The following TTN variants were observed in gnomAD, a reference collection of about 807,000 sequenced individuals.
TTN encodes connectin.
A neutral mutation model predicts 3,223.0 loss-of-function variants in TTN; 1,525 were observed. That is an observed-to-expected ratio of 0.47 (90% CI 0.45 to 0.49). The LOEUF is 0.49. Ranked by LOEUF, TTN falls within the 20% of genes least tolerant of loss-of-function variation. The pLI is 0.00. For synonymous variants in TTN, 14,094 were observed against 15,161.0 expected, an observed-to-expected ratio of 0.93 and a Z score of 5.17; for missense variants, 40,786 against 43,424.0, an observed-to-expected ratio of 0.94 and a Z score of 5.40.
intron 165 of TTN, 150 bp downstream of exon 165, chr2:178,665,227 T>G (rs1321545599): frequency 1.8e-5 from 15 of 814,322 alleles, no homozygotes; most frequent in Non-Finnish European, 2.7e-5. Flanking sequence ...TAATTTCTTT[T>G]TAGAGGAAAC....
rs755844994 is a variant in TTN at position 178,566,785 on chromosome 2, T to G, written c.79347A>C (p.Thr26449=). The G allele has an allele frequency of 1.2e-6, 2 of 1,613,288 alleles. No homozygotes were observed. The highest frequency in any genetic ancestry group is 2.7e-5 in the African/African-American group (2 of 74,908). The part of the protein sequence containing the change: ...RRITDLRLRV[T]GLTEDHEYEF... ...CATACTCATGATCTTCTGTTAATCC[T>G]GTCACTCTTAGACGCAAATCTGTAA... The change falls in exon 326 of 363, where the codon ACA becomes ACC. Residue 26449 remains threonine, a synonymous_variant. Transcript: ENST00000589042.
chr2:178,774,548 C>A, intron 29 of TTN, 75 bp from the exon 30 acceptor site: 2 of 1,421,750 alleles, frequency 1.4e-6, no homozygotes, highest in South Asian at 1.2e-5. Context: ...GAGATGATGT[C>A]TTGTATGTCT....
rs753855291 is a variant in TTN at position 178,632,827 on chromosome 2, C to T, written c.43214-35G>A. 4.3e-6 allele frequency: 7 copies of T among 1,612,506 alleles called. No individual in the cohort carries two copies. The Admixed American group carries it at 5.0e-5, about 12-fold the overall frequency. The stretch of plus-strand genomic sequence containing the variant: ...GTGGACAGTGGATGAAGTCAGAATA[C>T]GTTTCCATTGATGACCCTTGATCAA... On this transcript the variant is annotated intron_variant, in intron 234 of 362. Coordinates refer to ENST00000589042, the MANE Select transcript of TTN (RefSeq NM_001267550.2).
chr2:178,684,586 T>TA (rs1285952710), intron 131 of TTN, 80 bp downstream of exon 131: 1 of 1,469,290 alleles, frequency 6.8e-7, no homozygotes, highest in Non-Finnish European at 9.3e-7. Context: ...ATATAAACAG[T>TA]ATGACCCAAA....
chr2:178,613,916 C>A lies in TTN; in HGVS notation c.49367G>T (p.Arg16456Leu), dbSNP rs768914789. The change falls in exon 263 of 363, where the codon CGC becomes CTC. Residue 16456 changes from arginine to leucine, a missense_variant. Arg to Leu is a moderately radical substitution (Grantham distance 102, BLOSUM62 -2). Coordinates refer to ENST00000589042, the MANE Select transcript of TTN (RefSeq NM_001267550.2). ...TTTAGTGATATCAGAAGGTTCTAGG[C>A]GAGTTGGAGGACCAGGTGGATCTAT... The part of the protein sequence containing the change: ...YQFDPPGPPT[R>L]LEPSDITKDA... The A allele has an allele frequency of 3.1e-6, 5 of 1,607,696 alleles. No individual in the cohort carries two copies. Among genetic ancestry groups the A allele is most frequent in the African/African-American group, 1.3e-5 (1 of 74,562 alleles).
chr2:178,789,954 C>G (rs756619876), intron 12 of TTN, 24 bp downstream of exon 12: 1 of 1,612,090 alleles, frequency 6.2e-7, no homozygotes. Flanking sequence ...ATGAACTTTT[C>G]ACAGCTCAAA....
intron 63 of TTN, 22 bp from the exon 64 acceptor site, chr2:178,729,588 A>T: frequency 1.2e-6 from 2 of 1,612,438 alleles, no homozygotes; most frequent in Middle Eastern, 3.3e-4. Context: ...AAAGGAAGAC[A>T]GTAGCTTACT....
intron 297 of TTN, 27 bp from the exon 298 acceptor site, chr2:178,593,894 A>G: frequency 1.2e-6 from 2 of 1,608,356 alleles, no homozygotes; most frequent in Non-Finnish European, 1.7e-6. Context: ...TCATGGCACA[A>G]AATGTTATTG....
chr2:178,799,716 A>C lies in TTN; in HGVS notation c.685T>G (p.Phe229Val). The change falls in exon 6 of 363, where the codon TTT (phenylalanine) becomes GTT (valine). Residue 229 changes from phenylalanine to valine, a missense_variant. Phe to Val is a conservative substitution (Grantham distance 50). Transcript: ENST00000589042. ...ACTGTTGCAATTGATCTGGCATCAA[A>C]GTGGGCTTCAATCTTCTGTAAAAGA... ...TRIEKKIEAH[F>V]DARSIATVEM... 1 of 1,614,216 alleles carries C rather than the reference A, an allele frequency of 6.2e-7. No homozygotes were observed. Among genetic ancestry groups the C allele is most frequent in the Non-Finnish European group, 8.5e-7 (1 of 1,180,030 alleles).
intron 243 of TTN, 110 bp downstream of exon 243, chr2:178,622,560 A>G: frequency 1.3e-6 from 1 of 755,842 alleles, no homozygotes; most frequent in East Asian, 2.7e-5. Flanking sequence ...TTAAAAGTAA[A>G]GTGGTGACCA....
In TTN at chr2:178,696,051, G is replaced by T; in HGVS notation, c.31021C>A (p.Pro10341Thr). ...EPFEQPYYEEPDEDYEEIKVE... is the reference protein window; with the variant it reads ...EPFEQPYYEETDEDYEEIKVE... ...TTAATCTCTTCATAGTCTTCATCTG[G>T]TTCTTCATAATAAGGTTGTTCAAAT... The change falls in exon 114 of 363, where the codon CCA becomes ACA. Residue 10341 changes from proline to threonine, a missense_variant. Physicochemically the swap from Pro to Thr is conservative, Grantham distance 38. Transcript: ENST00000589042. 6.4e-7 allele frequency: 1 copy of T among 1,550,780 alleles called. No individual in the cohort carries two copies. The highest frequency in any genetic ancestry group is 1.2e-5 in the South Asian group (1 of 83,970).
chr2:178,677,560 G>T (rs1468729256), intron 146 of TTN, 61 bp downstream of exon 146: 4 of 1,490,938 alleles, frequency 2.7e-6, no homozygotes, highest in Non-Finnish European at 3.6e-6. Context: ...TGAACAAAAG[G>T]ATGGGAAAGC....
chr2:178,784,868 T>C (rs2093053587), intron 15 of TTN, among the ~76,000 whole-genome samples: 1 of 152,246 alleles, frequency 6.6e-6, no homozygotes, highest in Non-Finnish European at 1.5e-5. Flanking sequence ...TTGTGGTCTA[T>C]GGTTATTTGT....
chr2:178,530,506 G>A lies in TTN; in HGVS notation c.106109C>T (p.Thr35370Ile). The stretch of plus-strand genomic sequence containing the variant: ...GGCTTGCCCCATAAATTGTAAGTTG[G>A]TTTTAGACGTTCCACCTTCACCAGA... ...EISGEGGTSKTNLQFMGQAFK... is the reference protein window; with the variant it reads ...EISGEGGTSKINLQFMGQAFK... The change falls in exon 358 of 363, where the codon ACC becomes ATC. Residue 35370 changes from threonine (T) to isoleucine (I), a missense_variant. By Grantham distance (89) the Thr-to-Ile change is moderately conservative. Transcript: ENST00000589042. 1 of 1,613,964 alleles carries A rather than the reference G, an allele frequency of 6.2e-7. No individual in the cohort carries two copies. Among genetic ancestry groups the A allele is most frequent in the Non-Finnish European group, 8.5e-7 (1 of 1,179,882 alleles).
chr2:178,711,198 A>G lies in TTN; in HGVS notation c.28038T>C (p.Asn9346=), dbSNP rs766068986. 1.9e-6 allele frequency: 3 copies of G among 1,613,808 alleles called. No individual in the cohort carries two copies. In the South Asian group the frequency reaches 3.3e-5, roughly 18 times the overall value. The change falls in exon 97 of 363, where the codon AAT becomes AAC. Residue 9346 remains asparagine, a synonymous_variant. Coordinates refer to ENST00000589042, the MANE Select transcript of TTN (RefSeq NM_001267550.2). ...KDGKPLKDSP[N]VQTSFLDNTA... ...TATTGTCTAAAAATGATGTTTGTAC[A>G]TTTGGGCTGTCTTTCAATGGCTTGC...
At chr2:178,698,937 A>G (rs1432899475) in intron 111 of TTN, 23 bp from the exon 112 acceptor site, 4 of 1,488,062 alleles carry the variant, frequency 2.7e-6, no homozygotes, top group Non-Finnish European at 3.6e-6. Context: ...AAAAAGAAAA[A>G]AAAAGAAAAA....
intron 66 of TTN, 31 bp from the exon 67 acceptor site, chr2:178,728,428 T>C (rs953399584): frequency 6.3e-7 from 1 of 1,580,354 alleles, no homozygotes; most frequent in East Asian, 2.3e-5. Context: ...AACACATCCA[T>C]TAATCTCTTG....
Position 178,561,325 on chromosome 2 carries a change from C to T in TTN, c.84807G>A (p.Val28269=). The T allele has an allele frequency of 6.2e-7, 1 of 1,613,794 alleles. No homozygotes were observed. The highest frequency in any genetic ancestry group is 8.5e-7 in the Non-Finnish European group (1 of 1,179,804). The stretch of plus-strand genomic sequence containing the variant: ...AATGTGGTTTAGACCATTTAAGTGA[C>T]ACTGATTTTCTTGTGATATTTGTGA... ...PEVTNITRKS[V]SLKWSKPHYD... Residue 28269 remains valine (V), a synonymous_variant, in exon 326 of 363, where the codon GTG becomes GTA. Transcript: ENST00000589042.
rs759949085 is a variant in TTN at position 178,530,592 on chromosome 2, G to T, written c.106023C>A (p.Thr35341=). 6.2e-7 allele frequency: 1 copy of T among 1,613,942 alleles called. No homozygotes were observed. The highest frequency in any genetic ancestry group is 1.7e-5 in the Admixed American group (1 of 60,012). Residue 35341 remains threonine (T), a synonymous_variant, in exon 358 of 363, where the codon ACC becomes ACA. Coordinates refer to ENST00000589042, the MANE Select transcript of TTN (RefSeq NM_001267550.2). ...TGAGGTTATTGATTTTGAGCTCATA[G>T]GTACCATCTGCTGAATAATGAAACT... is the stretch of plus-strand genomic sequence containing the variant. ...HFQFHYSADG[T]YELKINNLTE... is the part of the protein sequence containing the mutation.
Sources: gnomAD v4.1 joint callset for allele counts (sites outside exome capture counted in the v4.1 genomes callset) on GRCh38, gnomAD v4.1.1 for gene constraint, MANE v1.5 for transcripts, NCBI Gene and HGNC (gene_info 2026-07-23, HGNC 2026-07-21) for gene names.